Variants in MGAT5B observed in about 807,000 individuals in gnomAD.
The protein encoded by MGAT5B is N-acetylglucosaminyl-transferase Vb.
MGAT5B carries 54 observed loss-of-function variants against 95.1 expected under a neutral mutation model. The observed-to-expected ratio is 0.57, with a 90% CI of 0.46 to 0.71. The LOEUF is 0.71. Ranked by LOEUF, MGAT5B falls within the 30% of genes least tolerant of loss-of-function variation. MGAT5B has a pLI of 0.00. For missense variants in MGAT5B, 935 were observed against 1,088.6 expected, an observed-to-expected ratio of 0.86 and a Z score of 1.99; for synonymous variants, 464 against 451.0, an observed-to-expected ratio of 1.03 and a Z score of -0.36.
intron 3 of MGAT5B, among the ~76,000 whole-genome samples, chr17:76,894,153 G>A (rs937488808): frequency 4.6e-5 from 7 of 152,148 alleles, no homozygotes; most frequent in African/African-American, 1.2e-4. Context: ...AGGGCCACCC[G>A]GCTCCCTGTT....
intron 2 of MGAT5B, among the ~76,000 whole-genome samples, chr17:76,881,012 G>T (rs774965561): frequency 6.6e-6 from 1 of 152,160 alleles, no homozygotes; most frequent in Non-Finnish European, 1.5e-5. Context: ...GACTTGGCTC[G>T]TTTTGGGGGA....
At position 76,898,237 on chromosome 17, in the gene MGAT5B, C is replaced by T. The variant is rs147475241; in HGVS notation, c.330-4318C>T. Among the ~76,000 whole-genome samples, 30 of 152,240 alleles carry T rather than the reference C, an allele frequency of 2.0e-4. No homozygotes were observed. The East Asian group carries it at 5.4e-3, about 27-fold the overall frequency. On this transcript the variant is annotated intron_variant, in intron 3 of 17. Transcript: ENST00000569840. ...TCCGTCAGCGGAAGTCATTCTTAGC[C>T]CCTAAACCTAACTTCCACCCTGACT... is the stretch of plus-strand genomic sequence containing the variant.
At chr17:76,902,711 GCCAA>G in intron 4 of MGAT5B, 41 bp downstream of exon 4, 1 of 1,158,560 alleles carries the variant, frequency 8.6e-7, no homozygotes, top group Non-Finnish European at 1.2e-6. Flanking sequence ...CCCCTAGGGG[GCCAA>G]TGAACTGGGT....
At chr17:76,910,704 T>C (rs1007472728) in intron 8 of MGAT5B, among the ~76,000 whole-genome samples, 1 of 152,244 alleles carries the variant, frequency 6.6e-6, no homozygotes, top group Non-Finnish European at 1.5e-5. Flanking sequence ...CCACTTCCTC[T>C]CAAGCTCTTG....
chr17:76,876,654 A>G (rs1427729869), intron 2 of MGAT5B, among the ~76,000 whole-genome samples: 2 of 152,178 alleles, frequency 1.3e-5, no homozygotes, highest in Non-Finnish European at 2.9e-5. Context: ...ACTGTGGTCT[A>G]TGTGTGGGGC....
chr17:76,928,090 T>C (rs1260382010), intron 10 of MGAT5B, among the ~76,000 whole-genome samples: 2 of 152,006 alleles, frequency 1.3e-5, no homozygotes, highest in East Asian at 1.9e-4. Flanking sequence ...TCCCAGAAGG[T>C]TGGGAAAGTG....
rs537048198 is a variant in MGAT5B at position 76,876,570 on chromosome 17, T to G, written c.181+3607T>G. On this transcript the variant is annotated intron_variant, in intron 2 of 17. Transcript: ENST00000569840. ...GACAGAAGTGGGGTCCCACATGGAC[T>G]GTGGCTGCGAAGGGAGAGGGAGGAG... Among the ~76,000 whole-genome samples, 4 of 152,180 alleles carry G rather than the reference T, an allele frequency of 2.6e-5. No homozygotes were observed. The East Asian group carries it at 7.7e-4, about 29-fold the overall frequency.
At chr17:76,926,563 G>C (rs1466592528) in intron 9 of MGAT5B, 34 bp from the exon 10 acceptor site, 1 of 1,585,810 alleles carries the variant, frequency 6.3e-7, no homozygotes, top group African/African-American at 1.3e-5. Flanking sequence ...CGGGGAGGTT[G>C]CTGACCCTGG....
rs1968485306 is a variant in MGAT5B, at chr17:76,905,396, T to A, written c.855+63T>A. 7.1e-7 allele frequency: 1 copy of A among 1,401,608 alleles called. No homozygotes were observed. The highest frequency in any genetic ancestry group is 9.6e-7 in the Non-Finnish European group (1 of 1,042,556). The allele number at this position is 1,401,608 out of a possible 1,614,324, so 86.8% of individuals were successfully genotyped here. A position where few individuals can be genotyped will look rare whatever the true frequency, so the allele number is the denominator to read the frequency against. On this transcript the variant is annotated intron_variant, in intron 7 of 17. Transcript: ENST00000569840. The surrounding 1 kb of genome is among the most constrained non-coding windows in gnomAD (Gnocchi z 4.2). ...AAAGCTCAGGGCCCCCACTTCTGAGTGGGCATGGAATAGGTCTTCAAACAA... is the reference window on the plus strand; with the variant it reads ...AAAGCTCAGGGCCCCCACTTCTGAGAGGGCATGGAATAGGTCTTCAAACAA...
intron 15 of MGAT5B, among the ~76,000 whole-genome samples, chr17:76,941,582 C>T (rs575783146): frequency 6.6e-5 from 10 of 152,178 alleles, no homozygotes; most frequent in Non-Finnish European, 8.8e-5. Context: ...TGCTCCAGGC[C>T]GGGAATGGTG....
chr17:76,900,939 G>GCT (rs201089186), intron 3 of MGAT5B, among the ~76,000 whole-genome samples: 7 of 150,964 alleles, frequency 4.6e-5, no homozygotes, highest in South Asian at 2.1e-4. Flanking sequence ...GTGCGTGTTT[G>GCT]TGTGTGAGTG....
At position 76,886,298 on chromosome 17, in the gene MGAT5B, G is replaced by T. The variant is rs1022407541; in HGVS notation, c.329+4000G>T. ...CAAAAAAGATGGAATTCCACTGCAT[G>T]CCCGGTGCCCAGCCTGGCCAGTGGC... On this transcript the variant is annotated intron_variant, in intron 3 of 17. Coordinates refer to ENST00000569840, the MANE Select transcript of MGAT5B (RefSeq NM_001199172.2). Among the ~76,000 whole-genome samples the T allele has an allele frequency of 3.9e-5, 6 of 152,348 alleles. 1 individual carries two copies. The highest frequency in any genetic ancestry group is 2.9e-5 in the Non-Finnish European group (2 of 68,034).
intron 3 of MGAT5B, among the ~76,000 whole-genome samples, chr17:76,887,089 T>G (rs1025230313): frequency 4.6e-5 from 7 of 152,006 alleles, no homozygotes; most frequent in Non-Finnish European, 1.0e-4. Context: ...GACTCCCCAG[T>G]TTATGTCTTA....
chr17:76,871,589 A>G (rs1231507654), intron 1 of MGAT5B, among the ~76,000 whole-genome samples: 1 of 152,258 alleles, frequency 6.6e-6, no homozygotes, highest in East Asian at 1.9e-4. Context: ...TTAATTAAAT[A>G]CTGCTCTGCC....
rs1288093244 is a variant in MGAT5B, at chr17:76,938,828, AC to A, written c.1584+687del. Among the ~76,000 whole-genome samples, 3 of 151,978 alleles carry A rather than the reference AC, an allele frequency of 2.0e-5. No homozygotes were observed. The highest frequency in any genetic ancestry group is 4.8e-5 in the African/African-American group (2 of 41,370). On this transcript the variant is annotated intron_variant, in intron 13 of 17. Transcript: ENST00000569840. This position sits in a 1 kb window ranked among gnomAD's most constrained non-coding sequence, Gnocchi z 4.3. ...CGAGTAGCTGGGACTATTGGCATACACCACCACACCTGGCTAATTTTTAAAT... is the reference window on the plus strand; with the variant it reads ...CGAGTAGCTGGGACTATTGGCATACACACCACACCTGGCTAATTTTTAAAT...
intron 3 of MGAT5B, among the ~76,000 whole-genome samples, chr17:76,896,692 GAT>G (rs1166978684): frequency 5.9e-5 from 9 of 152,190 alleles, no homozygotes. Context: ...GTGCAGCCAG[GAT>G]TTGAACCCAG....
chr17:76,904,453 G>C (rs1360281247), intron 6 of MGAT5B, 31 bp downstream of exon 6: 1 of 1,542,176 alleles, frequency 6.5e-7, no homozygotes, highest in Non-Finnish European at 8.7e-7. Context: ...GGCCGGTGAG[G>C]GGCTGGTGTG....
chr17:76,920,655 T>C (rs1969097441), intron 8 of MGAT5B, among the ~76,000 whole-genome samples: 1 of 152,074 alleles, frequency 6.6e-6, no homozygotes, highest in South Asian at 2.1e-4. Context: ...GCTGGGGACA[T>C]GTGGGCTTCT....
At chr17:76,876,396 C>T (rs1967191836) in intron 2 of MGAT5B, among the ~76,000 whole-genome samples, 1 of 150,654 alleles carries the variant, frequency 6.6e-6, no homozygotes, top group Middle Eastern at 3.4e-3. Flanking sequence ...AAGAAATCTG[C>T]GGAGTCTAGA....
Sources: allele counts gnomAD v4.1 joint callset (sites outside exome capture counted in the v4.1 genomes callset), GRCh38; gene constraint gnomAD v4.1.1; non-coding constraint Gnocchi (gnomAD v3.1); transcripts MANE v1.5; gene names NCBI Gene and HGNC (gene_info 2026-07-23, HGNC 2026-07-21).